The following TAF1B variants were observed in gnomAD, a reference collection of about 807,000 sequenced individuals.
TAF1B encodes TATA box-binding protein-associated factor RNA polymerase I subunit B.
A neutral mutation model predicts 83.9 loss-of-function variants in TAF1B; 61 were observed. The ratio of observed to expected loss-of-function variants is 0.73; its 90% CI spans 0.59 to 0.90. The LOEUF (loss-of-function observed/expected upper bound fraction) is 0.90, where lower values mean the gene tolerates loss of function less well. Among genes scored for constraint, TAF1B ranks in the 40% least tolerant of loss-of-function variants. The pLI is 0.00. For synonymous variants in TAF1B, 221 were observed against 224.6 expected, an observed-to-expected ratio of 0.98 and a Z score of 0.14; for missense variants, 625 against 677.0, an observed-to-expected ratio of 0.92 and a Z score of 0.85.
chr2:9,890,272 T>C (rs1163521059), intron 8 of TAF1B, among the ~76,000 whole-genome samples: 2 of 152,178 alleles, frequency 1.3e-5, no homozygotes, highest in East Asian at 3.8e-4. Flanking sequence ...AACCTGTTCT[T>C]TCATATATTT....
At position 9,919,517 on chromosome 2, in the gene TAF1B, A is replaced by C. The variant is rs1665800934; in HGVS notation, c.1343-81A>C. 5 of 1,250,404 alleles carry C rather than the reference A, an allele frequency of 4.0e-6. No individual in the cohort carries two copies. The Admixed American group carries it at 5.4e-5, about 13-fold the overall frequency. 77.5% of individuals were successfully genotyped at this position (1,250,404 alleles called of 1,614,324 possible). ...AAAACTAAGGAACCAATATTGGTAC[A>C]TTCCTATCAAGTAAATTCCAGGCTT... is the stretch of plus-strand genomic sequence containing the variant. On this transcript the variant is annotated intron_variant, in intron 13 of 14. Transcript: ENST00000263663.
At position 9,843,506 on chromosome 2, in the gene TAF1B, A is replaced by T; in HGVS notation, c.-36A>T. ...GGAAGCTGCGCTCGCTACCCGGGTA[A>T]CGGGTCCCGGCTGTGGAAGCTCCCG... is the stretch of plus-strand genomic sequence containing the variant. On this transcript the variant is annotated 5_prime_UTR_variant, in exon 1 of 15. Transcript: ENST00000263663. 1 of 1,522,296 alleles carries T rather than the reference A, an allele frequency of 6.6e-7. No homozygotes were observed. Among genetic ancestry groups the T allele is most frequent in the Admixed American group, 2.0e-5 (1 of 49,872 alleles). 94.3% of individuals were successfully genotyped at this position (1,522,296 alleles called of 1,614,324 possible). A position where few individuals can be genotyped will look rare whatever the true frequency, so the allele number is the denominator to read the frequency against.
chr2:9,882,672 C>T (rs774104002), intron 7 of TAF1B, 34 bp from the exon 8 acceptor site: 2 of 1,487,136 alleles, frequency 1.3e-6, no homozygotes, highest in South Asian at 2.4e-5. Context: ...CAGTATATAA[C>T]TCTCATTAAA....
intron 5 of TAF1B, among the ~76,000 whole-genome samples, chr2:9,855,232 T>C (rs1663523855): frequency 6.6e-6 from 1 of 152,228 alleles, no homozygotes; most frequent in South Asian, 2.1e-4. Context: ...TGACCGCAGA[T>C]GATCCATCCT....
In TAF1B at chr2:9,933,719, G is replaced by T. The variant is rs536759055; in HGVS notation, c.1566-64G>T. 3 of 1,343,280 alleles carry T rather than the reference G, an allele frequency of 2.2e-6. No individual in the cohort carries two copies. The African/African-American group carries it at 4.4e-5, about 20-fold the overall frequency. 83.2% of individuals were successfully genotyped at this position (1,343,280 alleles called of 1,614,324 possible). A position where few individuals can be genotyped will look rare whatever the true frequency, so the allele number is the denominator to read the frequency against. ...TAAGTTATTTGGGGGGATGTTCAGG[G>T]GTTAGTGTGTGCATTTCTTGGTTAC... is the stretch of plus-strand genomic sequence containing the variant. On this transcript the variant is annotated intron_variant, in intron 14 of 14. Coordinates refer to ENST00000263663, the MANE Select transcript of TAF1B (RefSeq NM_005680.3).
In TAF1B at chr2:9,928,698, C is replaced by T. The variant is rs552740159; in HGVS notation, c.1566-5085C>T. On this transcript the variant is annotated intron_variant, in intron 14 of 14. Transcript: ENST00000263663. ...TGTAAAGGAATGCTTGTGATTTTTG[C>T]ACATTGATTTTGTATCCTGAGACTT... Among the ~76,000 whole-genome samples, 599 of 152,246 alleles carry T rather than the reference C, an allele frequency of 3.9e-3. 3 individuals are homozygous for T. Among genetic ancestry groups the T allele is most frequent in the African/African-American group, 0.013 (557 of 41,554 alleles).
At chr2:9,852,672 A>G (rs1383690289) in intron 4 of TAF1B, among the ~76,000 whole-genome samples, 1 of 152,050 alleles carries the variant, frequency 6.6e-6, no homozygotes, top group Non-Finnish European at 1.5e-5. Flanking sequence ...TTTCTATTTT[A>G]GTATAGATGG....
intron 8 of TAF1B, among the ~76,000 whole-genome samples, chr2:9,890,991 C>T (rs923582985): frequency 1.3e-5 from 2 of 152,172 alleles, no homozygotes; most frequent in African/African-American, 2.4e-5. Context: ...AGGCTGGTCT[C>T]GAACTCCCGA....
intron 4 of TAF1B, among the ~76,000 whole-genome samples, chr2:9,852,370 A>G (rs1177566433): frequency 6.6e-6 from 1 of 152,214 alleles, no homozygotes; most frequent in African/African-American, 2.4e-5. Flanking sequence ...TTTAGCAACA[A>G]GTTGTTCACT....
chr2:9,930,250 T>C (rs1453480234), intron 14 of TAF1B, among the ~76,000 whole-genome samples: 3 of 152,222 alleles, frequency 2.0e-5, no homozygotes, highest in Non-Finnish European at 4.4e-5. Flanking sequence ...GCTTCTCTAG[T>C]TCTTTTAATT....
chr2:9,853,397 A>G (rs1259867610), intron 4 of TAF1B, among the ~76,000 whole-genome samples: 1 of 152,172 alleles, frequency 6.6e-6, no homozygotes, highest in Non-Finnish European at 1.5e-5. Flanking sequence ...CTGTCTTACA[A>G]TATTGTGTTG....
At chr2:9,891,903 A>G (rs954834500) in intron 8 of TAF1B, among the ~76,000 whole-genome samples, 1 of 152,260 alleles carries the variant, frequency 6.6e-6, no homozygotes, top group Non-Finnish European at 1.5e-5. Flanking sequence ...AAGTTTATAT[A>G]GAAAAGATGC....
chr2:9,890,270 C>A (rs1443013238), intron 8 of TAF1B, among the ~76,000 whole-genome samples: 1 of 152,158 alleles, frequency 6.6e-6, no homozygotes, highest in Non-Finnish European at 1.5e-5. Flanking sequence ...TGAACCTGTT[C>A]TTTCATATAT....
At chr2:9,858,086 G>C (rs1421026516) in intron 5 of TAF1B, among the ~76,000 whole-genome samples, 1 of 152,140 alleles carries the variant, frequency 6.6e-6, no homozygotes, top group Non-Finnish European at 1.5e-5. Flanking sequence ...AGTCTGATCT[G>C]AGACAAGGCA....
intron 4 of TAF1B, among the ~76,000 whole-genome samples, chr2:9,853,020 A>G (rs749299355): frequency 6.6e-6 from 1 of 152,222 alleles, no homozygotes; most frequent in Non-Finnish European, 1.5e-5. Context: ...GCTAACCCAT[A>G]ATAGTCATTG....
intron 10 of TAF1B, 105 bp downstream of exon 10, chr2:9,911,018 G>A: frequency 9.3e-7 from 1 of 1,075,956 alleles, no homozygotes; most frequent in Non-Finnish European, 1.3e-6. Flanking sequence ...AAGAGCTAAA[G>A]AAAAAATTTG....
intron 8 of TAF1B, among the ~76,000 whole-genome samples, chr2:9,888,396 A>G (rs1044073258): frequency 6.6e-6 from 1 of 151,888 alleles, no homozygotes; most frequent in African/African-American, 2.4e-5. Flanking sequence ...TGTGTTTGCC[A>G]TTTCTGGTAA....
intron 14 of TAF1B, among the ~76,000 whole-genome samples, chr2:9,932,504 C>T (rs965942916): frequency 5.3e-5 from 8 of 152,212 alleles, no homozygotes; most frequent in Admixed American, 2.6e-4. Flanking sequence ...GTGGAGGCTG[C>T]AGAACAGCAA....
chr2:9,856,955 GT>G lies in TAF1B; in HGVS notation c.399+2538del, dbSNP rs376624696. Among the ~76,000 whole-genome samples the G allele has an allele frequency of 1.6e-4, 24 of 152,300 alleles. No homozygotes were observed. The East Asian group carries it at 3.7e-3, about 23-fold the overall frequency. On this transcript the variant is annotated intron_variant, in intron 5 of 14. Transcript: ENST00000263663. ...TTTCCTTAGTGCTTTGGAGATAACTGTTTTGAGAACAGTAAGAGGCCTGGTC... is the reference window on the plus strand; with the variant it reads ...TTTCCTTAGTGCTTTGGAGATAACTGTTTGAGAACAGTAAGAGGCCTGGTC...
Sources: allele counts gnomAD v4.1 joint callset (sites outside exome capture counted in the v4.1 genomes callset), GRCh38; gene constraint gnomAD v4.1.1; transcripts MANE v1.5; gene names NCBI Gene and HGNC (gene_info 2026-07-23, HGNC 2026-07-21).